LPP: variants seen among roughly 807,000 people sequenced by gnomAD.
The protein encoded by LPP is lipoma-preferred partner.
A neutral mutation model predicts 60.4 loss-of-function variants in LPP; 38 were observed. That is an observed-to-expected ratio of 0.63 (90% CI 0.49 to 0.83). The LOEUF (loss-of-function observed/expected upper bound fraction) is 0.83. Among genes scored for constraint, LPP ranks in the 40% least tolerant of loss-of-function variants. LPP has a pLI of 0.00. For missense variants in LPP, 902 were observed against 783.6 expected, an observed-to-expected ratio of 1.15 and a Z score of -1.80; for synonymous variants, 328 against 290.8, an observed-to-expected ratio of 1.13 and a Z score of -1.30.
At chr3:188,723,582 G>C (rs1717272728) in intron 8 of LPP, among the ~76,000 whole-genome samples, 1 of 152,112 alleles carries the variant, frequency 6.6e-6, no homozygotes, top group Non-Finnish European at 1.5e-5. Flanking sequence ...GGACAGGACT[G>C]AATTGCTGCT....
intron 7 of LPP, among the ~76,000 whole-genome samples, chr3:188,654,555 C>T (rs943938172): frequency 1.3e-4 from 19 of 151,848 alleles, no homozygotes; most frequent in African/African-American, 4.1e-4. Flanking sequence ...TGTGTGTATG[C>T]GTACACACAT....
intron 4 of LPP, among the ~76,000 whole-genome samples, chr3:188,477,171 C>T (rs755318010): frequency 4.6e-5 from 7 of 152,202 alleles, no homozygotes; most frequent in East Asian, 1.9e-4. Context: ...CAGTGAGCTG[C>T]AGCTCCTGAA....
intron 5 of LPP, among the ~76,000 whole-genome samples, chr3:188,509,153 A>C (rs889015467): frequency 6.6e-6 from 1 of 152,164 alleles, no homozygotes; most frequent in Non-Finnish European, 1.5e-5. Flanking sequence ...CTTTTTATTT[A>C]ATAGCTGCAA....
chr3:188,509,922 T>C (rs1436946209), intron 5 of LPP, among the ~76,000 whole-genome samples: 2 of 145,798 alleles, frequency 1.4e-5, no homozygotes, highest in South Asian at 2.3e-4. Flanking sequence ...TTTCACCATG[T>C]TGGCCAGGCT....
intron 7 of LPP, among the ~76,000 whole-genome samples, chr3:188,616,878 A>C (rs576090316): frequency 6.6e-6 from 1 of 152,270 alleles, no homozygotes; most frequent in African/African-American, 2.4e-5. Context: ...ATTTGTTTAT[A>C]ATCATTTGTT....
At chr3:188,232,762 T>G (rs1720535975) in intron 2 of LPP, among the ~76,000 whole-genome samples, 1 of 152,106 alleles carries the variant, frequency 6.6e-6, no homozygotes, top group African/African-American at 2.4e-5. Context: ...TAAAGAGGAA[T>G]TTGGAGTAGG....
intron 8 of LPP, among the ~76,000 whole-genome samples, chr3:188,737,867 T>G (rs538450368): frequency 6.6e-6 from 1 of 152,322 alleles, no homozygotes; most frequent in African/African-American, 2.4e-5. Context: ...ATCTGTGCTG[T>G]TTAAATGGTC....
chr3:188,459,932 G>T (rs1036126232), intron 4 of LPP, among the ~76,000 whole-genome samples: 14 of 152,194 alleles, frequency 9.2e-5, no homozygotes, highest in Admixed American at 3.9e-4. Flanking sequence ...TTATGTTCAT[G>T]TATCTTTTGC....
At chr3:188,470,679 A>G (rs1801628035) in intron 4 of LPP, among the ~76,000 whole-genome samples, 1 of 152,098 alleles carries the variant, frequency 6.6e-6, no homozygotes. Flanking sequence ...AAAGGATAGT[A>G]GTGTAGGGTG....
intron 8 of LPP, chr3:188,712,945 C>A (rs554049525): frequency 6.6e-6 from 1 of 151,698 alleles, no homozygotes; most frequent in Non-Finnish European, 1.5e-5. Context: ...TGTTTCTTTG[C>A]GGAGCCCCTC....
intron 9 of LPP, among the ~76,000 whole-genome samples, chr3:188,859,133 A>G (rs1257895015): frequency 6.6e-6 from 1 of 150,916 alleles, no homozygotes; most frequent in East Asian, 1.9e-4. Context: ...ATGTCTGGCA[A>G]TATTGAGTTC....
intron 5 of LPP, among the ~76,000 whole-genome samples, chr3:188,515,914 T>G (rs1455948338): frequency 1.4e-5 from 2 of 138,540 alleles, no homozygotes; most frequent in African/African-American, 4.9e-5. Flanking sequence ...AAAGTGCAAG[T>G]GATATTTTTC....
intron 3 of LPP, among the ~76,000 whole-genome samples, chr3:188,376,629 A>G (rs1775184383): frequency 6.6e-6 from 1 of 152,208 alleles, no homozygotes; most frequent in South Asian, 2.1e-4. Context: ...TCCTGAATAC[A>G]GCACACTGAT....
chr3:188,466,174 G>C (rs555359524), intron 4 of LPP, among the ~76,000 whole-genome samples: 4 of 152,126 alleles, frequency 2.6e-5, no homozygotes, highest in Admixed American at 6.6e-5. Context: ...AATATTAAAG[G>C]CTTCATTTTC....
At chr3:188,520,068 GA>G (rs1818446525) in intron 5 of LPP, among the ~76,000 whole-genome samples, 1 of 152,076 alleles carries the variant, frequency 6.6e-6, no homozygotes, top group East Asian at 1.9e-4. Flanking sequence ...TACAGTGGGG[GA>G]GTCATCATCC....
intron 1 of LPP, among the ~76,000 whole-genome samples, chr3:188,220,277 T>C (rs576363534): frequency 6.6e-5 from 5 of 75,574 alleles, no homozygotes; most frequent in Admixed American, 2.0e-4. Flanking sequence ...TTTTATGACA[T>C]CACCTCATGT....
At chr3:188,225,635 C>G (rs1717451247) in intron 2 of LPP, 108 bp downstream of exon 2, 1 of 152,214 alleles carries the variant, frequency 6.6e-6, no homozygotes, top group South Asian at 2.1e-4. Flanking sequence ...GCATCAGTAA[C>G]TAGGATGCAT....
chr3:188,532,006 G>A (rs2150285865), intron 6 of LPP, among the ~76,000 whole-genome samples: 1 of 152,206 alleles, frequency 6.6e-6, no homozygotes, highest in Middle Eastern at 3.4e-3. Flanking sequence ...ATCTGTAATA[G>A]TAACTCCAGG....
intron 1 of LPP, among the ~76,000 whole-genome samples, chr3:188,174,379 A>G (rs1337783276): frequency 1.3e-5 from 2 of 152,256 alleles, no homozygotes; most frequent in African/African-American, 4.8e-5. Context: ...TATGTGTTTT[A>G]TAAATTACAG....
Sources: gnomAD v4.1 joint callset for allele counts (sites outside exome capture counted in the v4.1 genomes callset) on GRCh38, gnomAD v4.1.1 for gene constraint, MANE v1.5 for transcripts, NCBI Gene and HGNC (gene_info 2026-07-23, HGNC 2026-07-21) for gene names.